The following SLC25A53 variants were observed in gnomAD, a reference collection of about 807,000 sequenced individuals.
SLC25A53 encodes solute carrier family 25 member 53, also known as mitochondrial carrier triple repeat protein 6.
In SLC25A53, 5 loss-of-function variants were observed where a neutral mutation model predicts 15.0. The observed-to-expected ratio is 0.33, with a 90% CI of 0.17 to 0.70. SLC25A53 has a LOEUF of 0.70. Ranked by LOEUF, SLC25A53 falls within the 30% of genes least tolerant of loss-of-function variation. The pLI is 0.67. For missense variants in SLC25A53, 216 were observed against 241.6 expected, an observed-to-expected ratio of 0.89 and a Z score of 0.70; for synonymous variants, 95 against 100.0, an observed-to-expected ratio of 0.95 and a Z score of 0.30.
rs2075272691 is a variant in SLC25A53 at position 104,099,549 on chromosome X, AATGAGT to A, written c.*4779_*4784del. 1 of 112,516 alleles carries A rather than the reference AATGAGT, an allele frequency of 8.9e-6. No individual in the cohort carries two copies. Among genetic ancestry groups the A allele is most frequent in the African/African-American group, 3.2e-5 (1 of 30,988 alleles). 9.3% of individuals were successfully genotyped at this position (112,516 alleles called of 1,213,427 possible). ...ATCAACTACAGCTATCTGCAATATCAATGAGTCTCACAAGCAATGTGGAGTGAAACA... is the reference window on the plus strand; with the variant it reads ...ATCAACTACAGCTATCTGCAATATCACTCACAAGCAATGTGGAGTGAAACA... On this transcript the variant is annotated 3_prime_UTR_variant, in exon 2 of 2. Coordinates refer to ENST00000594199, the MANE Select transcript of SLC25A53 (RefSeq NM_001012755.5).
chrX:104,126,365 A>C (rs1556364331), intron 1 of SLC25A53, among the ~76,000 whole-genome samples: 3 of 110,493 alleles, frequency 2.7e-5, no homozygotes, highest in Non-Finnish European at 5.7e-5. Flanking sequence ...TAAATATTCC[A>C]TTAGAAGGCC....
chrX:104,156,082 GAAAA>G (rs11421196), intron 1 of SLC25A53, among the ~76,000 whole-genome samples: 1 of 96,094 alleles, frequency 1.0e-5, no homozygotes, highest in African/African-American at 3.8e-5. Flanking sequence ...AAGAAAGAAA[GAAAA>G]AAAAAAAGAA....
At chrX:104,150,412 A>C (rs2075481415) in intron 1 of SLC25A53, among the ~76,000 whole-genome samples, 1 of 111,110 alleles carries the variant, frequency 9.0e-6, no homozygotes, top group Non-Finnish European at 1.9e-5. Context: ...AACCACTGAC[A>C]TGTGGCAACT....
intron 1 of SLC25A53, among the ~76,000 whole-genome samples, chrX:104,106,558 C>A (rs1183916653): frequency 5.4e-5 from 6 of 111,068 alleles, no homozygotes; most frequent in Non-Finnish European, 9.4e-5. Flanking sequence ...TCACACAGAA[C>A]CCTGGGCTAT....
rs1353381860 is a variant in SLC25A53 at position 104,099,622 on chromosome X, A to T, written c.*4712T>A. ...AAGTCTAAAAAGCATTTAATGTTTG[A>T]ACATCTGTAAAACAAAACTGTTGTT... On this transcript the variant is annotated 3_prime_UTR_variant, in exon 2 of 2. Transcript: ENST00000594199. 1 of 112,472 alleles carries T rather than the reference A, an allele frequency of 8.9e-6. No homozygotes were observed. Among genetic ancestry groups the T allele is most frequent in the East Asian group, 2.8e-4 (1 of 3,611 alleles). 9.3% of individuals were successfully genotyped at this position (112,472 alleles called of 1,213,427 possible).
chrX:104,147,395 A>G (rs1200099156), intron 1 of SLC25A53, among the ~76,000 whole-genome samples: 12 of 111,586 alleles, frequency 1.1e-4, no homozygotes, highest in African/African-American at 1.6e-4. Context: ...CATGGGCAAG[A>G]ACTTCATGTC....
At chrX:104,129,860 ATGTGTGTGTGTG>A (rs60729916) in intron 1 of SLC25A53, among the ~76,000 whole-genome samples, 13 of 89,983 alleles carry the variant, frequency 1.4e-4, no homozygotes, top group South Asian at 6.3e-4. Flanking sequence ...ACACAAATGT[ATGTGTGTGTGTG>A]TGTGTGTGTG....
chrX:104,108,881 C>T (rs1238268717), intron 1 of SLC25A53, among the ~76,000 whole-genome samples: 3 of 112,134 alleles, frequency 2.7e-5, no homozygotes, highest in African/African-American at 9.8e-5. Flanking sequence ...CACCATAGAG[C>T]TAGAGTGAAT....
At chrX:104,155,491 G>A (rs541060300) in intron 1 of SLC25A53, among the ~76,000 whole-genome samples, 52 of 111,521 alleles carry the variant, frequency 4.7e-4, no homozygotes, top group African/African-American at 1.7e-3. Context: ...AAGTTTGAGA[G>A]CCACTGACTT....
intron 1 of SLC25A53, chrX:104,114,439 G>A (rs370971629): frequency 8.3e-7 from 1 of 1,210,134 alleles, no homozygotes; most frequent in African/African-American, 1.8e-5. Flanking sequence ...CAACCTAAGT[G>A]TAGCAGATTT....
intron 1 of SLC25A53, among the ~76,000 whole-genome samples, chrX:104,107,190 A>G (rs1351747021): frequency 9.1e-6 from 1 of 110,373 alleles, no homozygotes; most frequent in Non-Finnish European, 1.9e-5. Context: ...ATTTTCTCAC[A>G]ATCTCACTTT....
At chrX:104,140,613 G>A (rs1167707826) in intron 1 of SLC25A53, among the ~76,000 whole-genome samples, 2 of 111,540 alleles carry the variant, frequency 1.8e-5, no homozygotes, top group Non-Finnish European at 3.8e-5. Flanking sequence ...TTCTAAAGGA[G>A]AGGTCCAAGT....
chrX:104,142,501 C>A (rs1194968763), intron 1 of SLC25A53, among the ~76,000 whole-genome samples: 3 of 111,618 alleles, frequency 2.7e-5, no homozygotes, highest in African/African-American at 9.8e-5. Flanking sequence ...ATAACCAAAG[C>A]AAAGTAGAAA....
intron 1 of SLC25A53, among the ~76,000 whole-genome samples, chrX:104,117,115 GCT>G (rs1464681370): frequency 1.1e-5 from 1 of 93,226 alleles, no homozygotes; most frequent in African/African-American, 4.3e-5. Context: ...TATCCGCCCT[GCT>G]CCATCCATAT....
chrX:104,156,710 C>T (rs1205100148), intron 1 of SLC25A53, among the ~76,000 whole-genome samples, 168 bp downstream of exon 1: 1 of 110,277 alleles, frequency 9.1e-6, no homozygotes, highest in African/African-American at 3.3e-5. Flanking sequence ...GCCCCTTAAT[C>T]CTACAGCTAC....
In SLC25A53 at chrX:104,114,643, C is replaced by T. The variant is rs61745269; in HGVS notation, c.-31-9355G>A. The T allele has an allele frequency of 7.4e-3, 8,974 of 1,210,276 alleles. 390 individuals are homozygous for T. In the African/African-American group the frequency reaches 0.14, roughly 18 times the overall value. The stretch of plus-strand genomic sequence containing the variant: ...TGCAAACCAGACTCGCTTGCAACAG[C>T]TTCTTTTAGGCGCTGAGCTGAATAG... On this transcript the variant is annotated intron_variant, in intron 1 of 1. Coordinates refer to ENST00000594199, the MANE Select transcript of SLC25A53 (RefSeq NM_001012755.5).
rs781963140 is a variant in SLC25A53, at chrX:104,108,012, T to C, written c.-31-2724A>G. Among the ~76,000 whole-genome samples, 3 of 112,250 alleles carry C rather than the reference T, an allele frequency of 2.7e-5. No individual in the cohort carries two copies. The South Asian group carries it at 1.1e-3, about 42-fold the overall frequency. On this transcript the variant is annotated intron_variant, in intron 1 of 1. Transcript: ENST00000594199. ...TTGATAGAGGAATTGTACTTTTCAA[T>C]CCCCAACTCCTTCTGCCATTTTTGT...
At chrX:104,130,548 C>T (rs1282050850) in intron 1 of SLC25A53, 1 of 111,268 alleles carries the variant, frequency 9.0e-6, no homozygotes, top group Non-Finnish European at 1.9e-5. Flanking sequence ...TTTTAAAGAA[C>T]AGGAGGTGGG....
At chrX:104,126,557 G>A (rs970741052) in intron 1 of SLC25A53, among the ~76,000 whole-genome samples, 7 of 110,969 alleles carry the variant, frequency 6.3e-5, no homozygotes, top group African/African-American at 2.0e-4. Flanking sequence ...AGGAGGCTGA[G>A]GCAGGAGGAT....
Sources: gnomAD v4.1 joint callset for allele counts (sites outside exome capture counted in the v4.1 genomes callset) on GRCh38, gnomAD v4.1.1 for gene constraint, MANE v1.5 for transcripts, NCBI Gene and HGNC (gene_info 2026-07-23, HGNC 2026-07-21) for gene names.